The following PKN2 variants were observed in gnomAD, a reference collection of about 807,000 sequenced individuals.
PKN2 encodes the protein serine/threonine-protein kinase N2.
A neutral mutation model predicts 119.1 loss-of-function variants in PKN2; 38 were observed. That is an observed-to-expected ratio of 0.32 (90% CI 0.25 to 0.42). The LOEUF is 0.42. PKN2 is among the 10% of genes least tolerant of loss of function. The pLI, the probability that PKN2 is intolerant of heterozygous loss-of-function variation, is 1.00. For synonymous variants in PKN2, 390 were observed against 384.9 expected (o/e 1.01, Z -0.15); for missense variants, 850 against 1,165.1 (o/e 0.73, Z 3.94).
chr1:88,735,423 A>G (rs961641326), intron 1 of PKN2, among the ~76,000 whole-genome samples: 2 of 151,910 alleles, frequency 1.3e-5, no homozygotes, highest in Non-Finnish European at 2.9e-5. Flanking sequence ...TGGCCACCCA[A>G]AGGGCTGAGA....
chr1:88,704,725 G>A (rs1238284608), intron 1 of PKN2, among the ~76,000 whole-genome samples: 1 of 144,686 alleles, frequency 6.9e-6, no homozygotes, highest in African/African-American at 2.6e-5. Context: ...AGGTTGTAGT[G>A]AGAGGTGATT....
intron 1 of PKN2, among the ~76,000 whole-genome samples, chr1:88,708,757 C>T (rs546166874): frequency 3.1e-4 from 47 of 151,622 alleles, no homozygotes; most frequent in African/African-American, 1.1e-3. Flanking sequence ...CCACCATGCC[C>T]GGCCCCTAAA....
intron 10 of PKN2, among the ~76,000 whole-genome samples, chr1:88,805,162 TCTCA>T (rs1267428393): frequency 2.6e-5 from 4 of 152,146 alleles, no homozygotes; most frequent in African/African-American, 9.6e-5. Context: ...TATGCCATCC[TCTCA>T]CTACTTTCTC....
At chr1:88,691,037 A>G (rs1370087804) in intron 1 of PKN2, among the ~76,000 whole-genome samples, 1 of 152,086 alleles carries the variant, frequency 6.6e-6, no homozygotes, top group African/African-American at 2.4e-5. Flanking sequence ...CACACAATAC[A>G]TGTGCTGAGA....
At chr1:88,818,358 C>A (rs1182667473) in intron 16 of PKN2, among the ~76,000 whole-genome samples, 1 of 152,092 alleles carries the variant, frequency 6.6e-6, no homozygotes, top group Non-Finnish European at 1.5e-5. Context: ...TTAGAAAAAA[C>A]TGCTTTAGGC....
chr1:88,700,664 A>G (rs953257963), intron 1 of PKN2, among the ~76,000 whole-genome samples: 5 of 152,196 alleles, frequency 3.3e-5, no homozygotes, highest in African/African-American at 1.2e-4. Flanking sequence ...AAAAAAGGAC[A>G]GCTTCCCCTG....
chr1:88,753,145 A>G (rs1669067098), intron 2 of PKN2, among the ~76,000 whole-genome samples: 1 of 152,178 alleles, frequency 6.6e-6, no homozygotes, highest in Admixed American at 6.5e-5. Flanking sequence ...ACCCTAGCTT[A>G]TATTTTACTG....
chr1:88,740,474 A>G (rs1432016243), intron 1 of PKN2, among the ~76,000 whole-genome samples: 1 of 152,128 alleles, frequency 6.6e-6, no homozygotes, highest in Non-Finnish European at 1.5e-5. Context: ...TACCTATAGA[A>G]TTTAATAATA....
At chr1:88,754,881 G>T (rs961239101) in intron 2 of PKN2, among the ~76,000 whole-genome samples, 5 of 152,118 alleles carry the variant, frequency 3.3e-5, no homozygotes, top group African/African-American at 1.2e-4. Context: ...TATTGAATTT[G>T]TATAACATAC....
At chr1:88,781,065 A>C in intron 6 of PKN2, 1 of 1,131,942 alleles carries the variant, frequency 8.8e-7, no homozygotes, top group Non-Finnish European at 1.1e-6. Context: ...TTAAGCTCCT[A>C]CTGGACCATA....
intron 1 of PKN2, among the ~76,000 whole-genome samples, chr1:88,740,087 A>G (rs1051063881): frequency 6.6e-6 from 1 of 152,160 alleles, no homozygotes; most frequent in African/African-American, 2.4e-5. Flanking sequence ...TATTATAAAT[A>G]ACTAGAGATT....
Position 88,805,491 on chromosome 1 carries a change from C to G in PKN2, c.1502-6C>G. On this transcript the variant is annotated splice_polypyrimidine_tract_variant and splice_region_variant and intron_variant, in intron 10 of 21. Coordinates refer to ENST00000370521, the MANE Select transcript of PKN2 (RefSeq NM_006256.4). Reference sequence around the variant, plus strand: ...TTGCTGTTTTTGTTTTTTTCAACATCTACAGGCAAAACATTTCTCAGAGCT... The same window carrying G: ...TTGCTGTTTTTGTTTTTTTCAACATGTACAGGCAAAACATTTCTCAGAGCT... The G allele has an allele frequency of 1.3e-6, 2 of 1,577,528 alleles. No individual in the cohort carries two copies. The highest frequency in any genetic ancestry group is 2.3e-5 in the South Asian group (2 of 86,368).
intron 7 of PKN2, 98 bp downstream of exon 7, chr1:88,784,922 T>C: frequency 3.5e-6 from 2 of 570,434 alleles, no homozygotes; most frequent in East Asian, 3.4e-5. Flanking sequence ...TTTAAAATTA[T>C]GGTTTTTATA....
At chr1:88,799,238 G>A (rs1293372394) in intron 8 of PKN2, among the ~76,000 whole-genome samples, 1 of 152,110 alleles carries the variant, frequency 6.6e-6, no homozygotes, top group South Asian at 2.1e-4. Context: ...ATAGCAGGCC[G>A]ACTTTTCCTG....
intron 2 of PKN2, among the ~76,000 whole-genome samples, chr1:88,753,785 A>G (rs373152078): frequency 1.3e-5 from 2 of 152,172 alleles, no homozygotes; most frequent in East Asian, 3.9e-4. Flanking sequence ...ACCCACACCC[A>G]TGATCCAGTC....
chr1:88,815,885 A>G (rs1671969036), intron 16 of PKN2, among the ~76,000 whole-genome samples: 1 of 152,206 alleles, frequency 6.6e-6, no homozygotes, highest in South Asian at 2.1e-4. Context: ...CATGCCTATA[A>G]TCCCAGCACT....
At chr1:88,815,897 T>C (rs1671969725) in intron 16 of PKN2, among the ~76,000 whole-genome samples, 1 of 152,180 alleles carries the variant, frequency 6.6e-6, no homozygotes, top group Non-Finnish European at 1.5e-5. Flanking sequence ...CCCAGCACTT[T>C]GGGAGGCAGA....
chr1:88,812,081 T>G (rs191469932), intron 15 of PKN2, among the ~76,000 whole-genome samples: 1 of 152,204 alleles, frequency 6.6e-6, no homozygotes, highest in Non-Finnish European at 1.5e-5. Flanking sequence ...GCATGGACTT[T>G]TAGGGACAAT....
At chr1:88,720,988 C>G (rs192922408) in intron 1 of PKN2, among the ~76,000 whole-genome samples, 3 of 152,154 alleles carry the variant, frequency 2.0e-5, no homozygotes, top group Admixed American at 6.5e-5. Flanking sequence ...GTATCATATA[C>G]ACACACACAC....
Sources: gnomAD v4.1 joint callset for allele counts (sites outside exome capture counted in the v4.1 genomes callset) on GRCh38, gnomAD v4.1.1 for gene constraint, MANE v1.5 for transcripts, NCBI Gene and HGNC (gene_info 2026-07-23, HGNC 2026-07-21) for gene names.